Variants in MFSD1 observed in about 807,000 individuals in gnomAD.
MFSD1 encodes major facilitator superfamily domain containing 1.
MFSD1 carries 59 observed loss-of-function variants against 67.1 expected under a neutral mutation model. The ratio of observed to expected loss-of-function variants is 0.88; its 90% CI spans 0.71 to 1.09. MFSD1 has a LOEUF of 1.09. MFSD1 is among the 50% of genes least tolerant of loss of function. MFSD1 has a pLI of 0.00. For missense variants in MFSD1, 552 were observed against 566.1 expected, an observed-to-expected ratio of 0.97 and a Z score of 0.25; for synonymous variants, 213 against 200.3, an observed-to-expected ratio of 1.06 and a Z score of -0.54.
intron 6 of MFSD1, among the ~76,000 whole-genome samples, chr3:158,813,764 C>CTTTTT (rs3050667): frequency 7.6e-6 from 1 of 132,220 alleles, no homozygotes; most frequent in African/African-American, 2.8e-5. Flanking sequence ...AATAAATTGG[C>CTTTTT]TTTTTTTTTT....
chr3:158,812,876 C>T (rs970436042), intron 6 of MFSD1, among the ~76,000 whole-genome samples: 2 of 152,058 alleles, frequency 1.3e-5, no homozygotes, highest in Non-Finnish European at 2.9e-5. Flanking sequence ...CCTTGCCATT[C>T]CTTGAACTCT....
chr3:158,810,558 A>T (rs1729951925), intron 6 of MFSD1, among the ~76,000 whole-genome samples: 1 of 152,112 alleles, frequency 6.6e-6, no homozygotes, highest in African/African-American at 2.4e-5. Context: ...ATAGTCTGAC[A>T]CTCTCGCTAT....
intron 3 of MFSD1, among the ~76,000 whole-genome samples, chr3:158,806,000 T>C (rs1729706812): frequency 6.6e-6 from 1 of 152,236 alleles, no homozygotes; most frequent in Non-Finnish European, 1.5e-5. Flanking sequence ...TGTTAGAGGC[T>C]GAGCAGGGAA....
Position 158,802,244 on chromosome 3 carries a change from C to T in MFSD1, c.92C>T (p.Pro31Leu), listed in dbSNP as rs560075419. The T allele has an allele frequency of 1.4e-5, 22 of 1,611,418 alleles. 1 individual carries two copies. In the South Asian group the frequency reaches 2.2e-4, roughly 16 times the overall value. ...RGAPAAPGAL[P>L]ALCDPSRLAH... ...GCCCCGGCCGCCCCTGGAGCCCTGCCGGCCCTCTGCGACCCCAGTCGCCTG... is the reference window on the plus strand; with the variant it reads ...GCCCCGGCCGCCCCTGGAGCCCTGCTGGCCCTCTGCGACCCCAGTCGCCTG... Residue 31 changes from proline (P) to leucine (L), a missense_variant, in exon 1 of 16, where the codon CCG becomes CTG. By Grantham distance (98) the Pro-to-Leu change is moderately conservative. Coordinates refer to ENST00000415822, the MANE Select transcript of MFSD1 (RefSeq NM_022736.4).
At chr3:158,820,547 C>G (rs189999532) in intron 9 of MFSD1, among the ~76,000 whole-genome samples, 1 of 152,158 alleles carries the variant, frequency 6.6e-6, no homozygotes, top group Non-Finnish European at 1.5e-5. Flanking sequence ...TGTATTACTC[C>G]ACTCTCATGC....
chr3:158,802,713 T>G, intron 1 of MFSD1: 1 of 386,506 alleles, frequency 2.6e-6, no homozygotes. Flanking sequence ...TTGTTTGGTT[T>G]TAGGTGAGAC....
intron 9 of MFSD1, among the ~76,000 whole-genome samples, chr3:158,821,256 C>G (rs1385705461): frequency 6.6e-6 from 1 of 152,036 alleles, no homozygotes; most frequent in Admixed American, 6.6e-5. Context: ...AGACAAGAAC[C>G]CTGTTTATTA....
intron 3 of MFSD1, among the ~76,000 whole-genome samples, chr3:158,806,470 C>T (rs1729733781): frequency 6.6e-6 from 1 of 152,044 alleles, no homozygotes; most frequent in South Asian, 2.1e-4. Flanking sequence ...TATGGTTTAC[C>T]CTGATGGCCT....
chr3:158,827,367 T>C, intron 15 of MFSD1, 30 bp downstream of exon 15: 2 of 1,326,396 alleles, frequency 1.5e-6, no homozygotes, highest in Non-Finnish European at 2.1e-6. Context: ...AAAGTTGTCT[T>C]TATTTTTGAA....
Position 158,809,294 on chromosome 3 carries a change from A to G in MFSD1, c.549+7A>G. 2 of 1,571,102 alleles carry G rather than the reference A, an allele frequency of 1.3e-6. No individual in the cohort carries two copies. Among genetic ancestry groups the G allele is most frequent in the Non-Finnish European group, 1.7e-6 (2 of 1,158,098 alleles). On this transcript the variant is annotated splice_region_variant and intron_variant, in intron 6 of 15. Transcript: ENST00000415822. ...ACTTAGCATGGCTAGAATTGTAAGTATAATGAAAAGCCTGATGAAGCCAAA... is the reference window on the plus strand; with the variant it reads ...ACTTAGCATGGCTAGAATTGTAAGTGTAATGAAAAGCCTGATGAAGCCAAA...
At chr3:158,813,261 C>G (rs1730132927) in intron 6 of MFSD1, among the ~76,000 whole-genome samples, 1 of 151,786 alleles carries the variant, frequency 6.6e-6, no homozygotes, top group African/African-American at 2.4e-5. Flanking sequence ...TATTCTCCTG[C>G]CTGAGCCTCC....
chr3:158,816,171 T>A (rs1730330669), intron 7 of MFSD1, among the ~76,000 whole-genome samples: 1 of 152,206 alleles, frequency 6.6e-6, no homozygotes, highest in Non-Finnish European at 1.5e-5. Flanking sequence ...ATATACCCAG[T>A]AATGGGATGG....
rs866487922 is a variant in MFSD1 at position 158,827,968 on chromosome 3, G to C, written c.1394+631G>C. Reference sequence around the variant, plus strand: ...GGGGAGAGAGAGAGAGAGAGAGAGAGAGAGAGAGAGACAGAGATCGATCTA... The same window carrying C: ...GGGGAGAGAGAGAGAGAGAGAGAGACAGAGAGAGAGACAGAGATCGATCTA... On this transcript the variant is annotated intron_variant, in intron 15 of 15. Transcript: ENST00000415822. Among the ~76,000 whole-genome samples the C allele has an allele frequency of 6.0e-3, 699 of 115,762 alleles. 14 individuals carry two copies. The highest frequency in any genetic ancestry group is 0.021 in the East Asian group (87 of 4,086). 75.9% of individuals were successfully genotyped at this position (115,762 alleles called of 152,430 possible).
At chr3:158,825,627 A>G (rs967474118) in intron 13 of MFSD1, among the ~76,000 whole-genome samples, 4 of 152,210 alleles carry the variant, frequency 2.6e-5, no homozygotes, top group African/African-American at 7.2e-5. Context: ...AAAGCCCCCA[A>G]AAGACTACTA....
At chr3:158,816,594 G>T (rs895551779) in intron 7 of MFSD1, among the ~76,000 whole-genome samples, 1 of 151,100 alleles carries the variant, frequency 6.6e-6, no homozygotes, top group Non-Finnish European at 1.5e-5. Flanking sequence ...CTCCCATTTT[G>T]TAGGTTGCCT....
At chr3:158,814,953 A>C (rs61796775) in intron 7 of MFSD1, among the ~76,000 whole-genome samples, 24,178 of 151,940 alleles carry the variant, frequency 0.16, 2,175 homozygotes, top group African/African-American at 0.23. Flanking sequence ...GTGGTGGCAC[A>C]TGCCTGTAAT....
At chr3:158,820,395 G>T in intron 9 of MFSD1, 69 bp downstream of exon 9, 2 of 1,080,762 alleles carry the variant, frequency 1.9e-6, no homozygotes, top group Admixed American at 1.8e-5. Context: ...CATAAATGTA[G>T]TTTTTAAAGC....
chr3:158,803,093 G>A (rs1268763585), intron 1 of MFSD1, among the ~76,000 whole-genome samples: 1 of 152,100 alleles, frequency 6.6e-6, no homozygotes, highest in Non-Finnish European at 1.5e-5. Flanking sequence ...TCTTGACAGT[G>A]GTTGGTTTCT....
At chr3:158,828,831 G>C in intron 15 of MFSD1, 148 bp from the exon 16 acceptor site, 1 of 566,828 alleles carries the variant, frequency 1.8e-6, no homozygotes, top group Non-Finnish European at 2.9e-6. Context: ...TTAGGATCAA[G>C]AAGAGTTAAA....
Sources: allele counts gnomAD v4.1 joint callset (sites outside exome capture counted in the v4.1 genomes callset), GRCh38; gene constraint gnomAD v4.1.1; transcripts MANE v1.5; gene names NCBI Gene and HGNC (gene_info 2026-07-23, HGNC 2026-07-21).